Variants in ZFAT observed in about 807,000 individuals in gnomAD.
ZFAT encodes the protein zinc finger protein ZFAT.
Under a neutral mutation model 117.7 loss-of-function variants are expected in ZFAT, and 64 were observed. The observed-to-expected ratio is 0.54, with a 90% CI of 0.44 to 0.67. The LOEUF is 0.67. ZFAT is among the 30% of genes least tolerant of loss of function. The pLI, the probability that ZFAT is intolerant of heterozygous loss-of-function variation, is 0.00. For missense variants in ZFAT, 1,433 were observed against 1,584.5 expected (o/e 0.90, Z 1.62); for synonymous variants, 679 against 615.0 (o/e 1.10, Z -1.54).
chr8:134,652,698 C>A (rs1831320647), intron 2 of ZFAT, among the ~76,000 whole-genome samples: 1 of 152,136 alleles, frequency 6.6e-6, no homozygotes, highest in Non-Finnish European at 1.5e-5. Context: ...TAGTGACCAG[C>A]AAAATGCAAA....
At position 134,638,480 on chromosome 8, in the gene ZFAT, C is replaced by T. The variant is rs369710930; in HGVS notation, c.197-768G>A. Among the ~76,000 whole-genome samples, 770 of 148,308 alleles carry T rather than the reference C, an allele frequency of 5.2e-3. 4 individuals carry two copies. The highest frequency in any genetic ancestry group is 7.5e-3 in the Non-Finnish European group (503 of 67,364). On this transcript the variant is annotated intron_variant, in intron 2 of 15. Coordinates refer to ENST00000377838, the MANE Select transcript of ZFAT (RefSeq NM_020863.4). ...CAGCACTTTGGGAGGCCGAGGTGGG[C>T]GGATCACGAGGTCAGGAGATCGAGA...
chr8:134,700,870 AAGTG>A (rs1833992049), intron 1 of ZFAT, among the ~76,000 whole-genome samples: 2 of 152,178 alleles, frequency 1.3e-5, no homozygotes, highest in Non-Finnish European at 2.9e-5. Flanking sequence ...ACCCTTGTAC[AAGTG>A]AGTAAGTTCA....
chr8:134,820,152 A>G, the ZFAT span, among the ~76,000 whole-genome samples: 1 of 152,202 alleles, frequency 6.6e-6, no homozygotes, highest in Non-Finnish European at 1.5e-5. Flanking sequence ...TTGTTTTAAA[A>G]AAGGTGATTT....
chr8:134,687,894 C>T (rs147753379), intron 1 of ZFAT, among the ~76,000 whole-genome samples: 1 of 152,194 alleles, frequency 6.6e-6, no homozygotes, highest in South Asian at 2.1e-4. Context: ...GTGGGGCAGG[C>T]CTGCCTCTCG....
Position 134,590,128 on chromosome 8 carries a change from A to C in ZFAT, c.2563+140T>G. 2 of 623,312 alleles carry C rather than the reference A, an allele frequency of 3.2e-6. 1 individual carries two copies. Among genetic ancestry groups the C allele is most frequent in the South Asian group, 5.1e-5 (2 of 38,920 alleles). 38.6% of individuals were successfully genotyped at this position (623,312 alleles called of 1,614,324 possible). A position where few individuals can be genotyped will look rare whatever the true frequency, so the allele number is the denominator to read the frequency against. Reference sequence around the variant, plus strand: ...TACATCAACTTCCCAGCGTCGAATAAAGATGTTTGTTTCCCATGAATATAT... The same window carrying C: ...TACATCAACTTCCCAGCGTCGAATACAGATGTTTGTTTCCCATGAATATAT... On this transcript the variant is annotated intron_variant, in intron 8 of 15. Transcript: ENST00000377838.
At chr8:134,733,826 C>G in the ZFAT span, among the ~76,000 whole-genome samples, 1 of 152,248 alleles carries the variant, frequency 6.6e-6, no homozygotes, top group Non-Finnish European at 1.5e-5. Context: ...ACATTCCTTT[C>G]CCATCATCCA....
the ZFAT span, among the ~76,000 whole-genome samples, chr8:134,789,044 T>C: frequency 6.6e-6 from 1 of 152,208 alleles, no homozygotes; most frequent in Non-Finnish European, 1.5e-5. Context: ...ATGACTCATT[T>C]AAAGTATTTG....
intron 1 of ZFAT, among the ~76,000 whole-genome samples, chr8:134,671,813 T>C (rs1440994684): frequency 6.6e-6 from 1 of 152,178 alleles, no homozygotes. Flanking sequence ...GAAGTCAAAT[T>C]GTCCCTGTTT....
chr8:134,595,579 C>A (rs942828852), intron 7 of ZFAT, among the ~76,000 whole-genome samples: 2 of 152,160 alleles, frequency 1.3e-5, no homozygotes, highest in Admixed American at 1.3e-4. Flanking sequence ...CTACTAAAAT[C>A]GTCTCAAGTG....
At chr8:134,613,424 C>T (rs1465819150) in intron 3 of ZFAT, among the ~76,000 whole-genome samples, 2 of 152,172 alleles carry the variant, frequency 1.3e-5, no homozygotes, top group Non-Finnish European at 2.9e-5. Context: ...GGGGGCTGGA[C>T]GTGGGTGAAG....
intron 2 of ZFAT, chr8:134,639,869 C>T (rs958803416): frequency 2.3e-6 from 1 of 435,964 alleles, no homozygotes; most frequent in African/African-American, 2.0e-5. Context: ...ACTCTGCCAT[C>T]CCGCAGACAC....
chr8:134,590,233 A>G, intron 8 of ZFAT, 35 bp downstream of exon 8: 1 of 1,519,120 alleles, frequency 6.6e-7, no homozygotes, highest in Non-Finnish European at 9.1e-7. Context: ...AGCATTTTTA[A>G]CATTAATCTT....
At chr8:134,721,452 C>T in the ZFAT span, among the ~76,000 whole-genome samples, 3 of 152,260 alleles carry the variant, frequency 2.0e-5, no homozygotes, top group East Asian at 1.9e-4. Context: ...CACAGGCTGA[C>T]GGAAGAGGAT....
At chr8:134,726,104 G>A in the ZFAT span, among the ~76,000 whole-genome samples, 7 of 152,132 alleles carry the variant, frequency 4.6e-5, no homozygotes, top group African/African-American at 1.7e-4. Flanking sequence ...TGTTAACAGT[G>A]GGGAATTCAT....
the ZFAT span, chr8:134,785,650 G>A: frequency 2.0e-5 from 3 of 152,058 alleles, no homozygotes; most frequent in South Asian, 2.1e-4. Context: ...CACGTATCAA[G>A]TTCTCATGTA....
chr8:134,788,456 C>T, the ZFAT span, among the ~76,000 whole-genome samples: 4 of 152,068 alleles, frequency 2.6e-5, no homozygotes, highest in African/African-American at 9.6e-5. Context: ...AGTTTAATTC[C>T]ACTGTGTTAG....
At chr8:134,729,554 C>T in the ZFAT span, among the ~76,000 whole-genome samples, 28 of 152,132 alleles carry the variant, frequency 1.8e-4, no homozygotes, top group African/African-American at 1.2e-4. Context: ...AGGATGGTCT[C>T]GATCTCCTGA....
At chr8:134,788,440 T>A in the ZFAT span, among the ~76,000 whole-genome samples, 1 of 152,180 alleles carries the variant, frequency 6.6e-6, no homozygotes, top group Non-Finnish European at 1.5e-5. Context: ...TTTTTTACTG[T>A]TTTCTAGTTT....
the ZFAT span, among the ~76,000 whole-genome samples, chr8:134,736,817 C>A: frequency 6.6e-6 from 1 of 152,080 alleles, no homozygotes; most frequent in Non-Finnish European, 1.5e-5. Flanking sequence ...AACTCCTGGG[C>A]TCAACCAATT....
Sources: allele counts gnomAD v4.1 joint callset (sites outside exome capture counted in the v4.1 genomes callset), GRCh38; gene constraint gnomAD v4.1.1; transcripts MANE v1.5; gene names NCBI Gene and HGNC (gene_info 2026-07-23, HGNC 2026-07-21).